BLTP3B: variants seen among roughly 807,000 people sequenced by gnomAD.
BLTP3B encodes UHRF1 (ICBP90) binding protein 1-like.
the BLTP3B span, among the ~76,000 whole-genome samples, chr12:100,096,717 A>T: frequency 6.6e-6 from 1 of 152,018 alleles, no homozygotes; most frequent in Non-Finnish European, 1.5e-5. Flanking sequence ...GCTACTTGGG[A>T]GGCTAAGGCA....
At chr12:100,089,708 A>C in the BLTP3B span, among the ~76,000 whole-genome samples, 1 of 152,216 alleles carries the variant, frequency 6.6e-6, no homozygotes, top group Non-Finnish European at 1.5e-5. Flanking sequence ...GTTAACTCTT[A>C]AAGGCAGTTT....
chr12:100,082,217 A>C, the BLTP3B span, among the ~76,000 whole-genome samples: 6 of 152,200 alleles, frequency 3.9e-5, no homozygotes, highest in African/African-American at 1.2e-4. Flanking sequence ...TCTTTTGAGA[A>C]GTGTGTGTTC....
the BLTP3B span, among the ~76,000 whole-genome samples, chr12:100,061,689 T>C: frequency 8.6e-5 from 13 of 150,510 alleles, no homozygotes; most frequent in South Asian, 2.7e-3. Flanking sequence ...AAGATCTATA[T>C]GCAGTTTCCA....
chr12:100,122,096 T>C, the BLTP3B span, among the ~76,000 whole-genome samples: 2 of 152,054 alleles, frequency 1.3e-5, no homozygotes, highest in Non-Finnish European at 2.9e-5. Context: ...ACAGTGAGAC[T>C]CCATCTCAAA....
At chr12:100,113,748 A>G in the BLTP3B span, among the ~76,000 whole-genome samples, 1 of 152,076 alleles carries the variant, frequency 6.6e-6, no homozygotes, top group African/African-American at 2.4e-5. Context: ...ACTTGAGGCC[A>G]AGAGTTTGAC....
At chr12:100,138,936 T>C in the BLTP3B span, among the ~76,000 whole-genome samples, 1 of 152,228 alleles carries the variant, frequency 6.6e-6, no homozygotes, top group African/African-American at 2.4e-5. Flanking sequence ...CTTTCTCACA[T>C]TTGTTACGAC....
chr12:100,106,238 T>C, the BLTP3B span, among the ~76,000 whole-genome samples: 4 of 150,622 alleles, frequency 2.7e-5, no homozygotes, highest in African/African-American at 9.8e-5. Context: ...GAAGTCACTA[T>C]ATGAAAAAGA....
At chr12:100,059,069 C>T in the BLTP3B span, 2 of 1,613,922 alleles carry the variant, frequency 1.2e-6, no homozygotes, top group African/African-American at 2.7e-5. Flanking sequence ...CTTTTTGTGA[C>T]TCTGCATATC....
chr12:100,112,493 C>A, the BLTP3B span, among the ~76,000 whole-genome samples: 1 of 151,178 alleles, frequency 6.6e-6, no homozygotes, highest in Non-Finnish European at 1.5e-5. Context: ...GGTGACAGAG[C>A]CTTTGTCTCA....
At chr12:100,110,143 A>T in the BLTP3B span, among the ~76,000 whole-genome samples, 1 of 152,208 alleles carries the variant, frequency 6.6e-6, no homozygotes, top group African/African-American at 2.4e-5. Context: ...GTTAGTCTTT[A>T]CTTTTTTTGG....
the BLTP3B span, among the ~76,000 whole-genome samples, chr12:100,107,712 A>C: frequency 2.0e-5 from 3 of 152,134 alleles, no homozygotes; most frequent in Admixed American, 1.3e-4. Context: ...TCATGTCTTC[A>C]TTTGAAAAGT....
At chr12:100,101,263 A>G in the BLTP3B span, among the ~76,000 whole-genome samples, 2 of 152,084 alleles carry the variant, frequency 1.3e-5, no homozygotes, top group Non-Finnish European at 2.9e-5. Context: ...CCTTTAGTCA[A>G]CTCTTAGAAG....
At chr12:100,128,614 C>A in the BLTP3B span, 2 of 1,283,506 alleles carry the variant, frequency 1.6e-6, no homozygotes, top group Admixed American at 2.3e-5. Flanking sequence ...GGTCCCTATT[C>A]CTGGTGAAAG....
the BLTP3B span, among the ~76,000 whole-genome samples, chr12:100,060,516 T>G: frequency 6.6e-6 from 1 of 152,164 alleles, no homozygotes; most frequent in African/African-American, 2.4e-5. Context: ...GAGAGCTAAG[T>G]TAACCAATTT....
the BLTP3B span, chr12:100,058,494 A>C: frequency 6.2e-7 from 1 of 1,613,370 alleles, no homozygotes; most frequent in East Asian, 2.2e-5. Context: ...GTTGTCTGAC[A>C]TATGATTAAC....
chr12:100,071,650 C>T, the BLTP3B span, among the ~76,000 whole-genome samples: 345 of 151,888 alleles, frequency 2.3e-3, no homozygotes, highest in African/African-American at 7.9e-3. Flanking sequence ...ATCATTTTAA[C>T]GTTAGAAAGC....
At chr12:100,050,637 A>T in the BLTP3B span, among the ~76,000 whole-genome samples, 1 of 152,050 alleles carries the variant, frequency 6.6e-6, no homozygotes, top group Non-Finnish European at 1.5e-5. Context: ...ACACAGTGAG[A>T]CCCCATATCT....
chr12:100,098,604 A>G, the BLTP3B span: 11 of 1,484,324 alleles, frequency 7.4e-6, no homozygotes, highest in African/African-American at 1.4e-4. Flanking sequence ...AATTCTATTA[A>G]TATTTGCACA....
At chr12:100,129,746 G>C in the BLTP3B span, among the ~76,000 whole-genome samples, 1 of 152,104 alleles carries the variant, frequency 6.6e-6, no homozygotes. Context: ...CAGACAATCT[G>C]GCTGCAGGAA....
Sources: gnomAD v4.1 joint callset for allele counts (sites outside exome capture counted in the v4.1 genomes callset) on GRCh38, gnomAD v4.1.1 for gene constraint, MANE v1.5 for transcripts, NCBI Gene and HGNC (gene_info 2026-07-23, HGNC 2026-07-21) for gene names.